Variants in ZNF536 observed in about 807,000 individuals in gnomAD.
ZNF536 encodes the protein zinc finger protein 536.
A neutral mutation model predicts 84.5 loss-of-function variants in ZNF536; 13 were observed. The observed-to-expected ratio is 0.15, with a 90% CI of 0.10 to 0.24. The LOEUF (loss-of-function observed/expected upper bound fraction) is 0.24, where lower values mean the gene tolerates loss of function less well. Ranked by LOEUF, ZNF536 falls within the 10% of genes least tolerant of loss-of-function variation. The probability of loss-of-function intolerance (pLI) is 1.00; values close to 1 mark genes in which losing one functional copy is unlikely to be tolerated. For synonymous variants in ZNF536, 811 were observed against 742.5 expected (o/e 1.09, Z -1.50); for missense variants, 1,536 against 1,747.5 (o/e 0.88, Z 2.16).
intron 2 of ZNF536, among the ~76,000 whole-genome samples, chr19:30,463,419 G>T (rs897983843): frequency 6.6e-6 from 1 of 152,146 alleles, no homozygotes; most frequent in Non-Finnish European, 1.5e-5. Context: ...GGCCTCTCCA[G>T]CCTCAAGCAC....
intron 2 of ZNF536, among the ~76,000 whole-genome samples, chr19:30,497,849 C>G (rs1330601723): frequency 6.6e-6 from 1 of 152,084 alleles, no homozygotes; most frequent in Non-Finnish European, 1.5e-5. Context: ...AAGACCCAAG[C>G]AGGACCAGAT....
intron 3 of ZNF536, among the ~76,000 whole-genome samples, chr19:30,535,680 C>T (rs990417906): frequency 6.6e-6 from 1 of 151,854 alleles, no homozygotes; most frequent in Admixed American, 6.6e-5. Context: ...CCTCAGTCAC[C>T]GTCCTTTTTA....
At chr19:30,582,310 TC>T (rs2046948138) in intron 1 of ZNF536, among the ~76,000 whole-genome samples, 1 of 151,826 alleles carries the variant, frequency 6.6e-6, no homozygotes, top group Non-Finnish European at 1.5e-5. Flanking sequence ...TGAAAACAAT[TC>T]TCTACATGCT....
chr19:30,648,316 T>C (rs1029840632), intron 1 of ZNF536, among the ~76,000 whole-genome samples: 2 of 152,146 alleles, frequency 1.3e-5, no homozygotes, highest in Admixed American at 1.3e-4. Context: ...CCTCATTTCC[T>C]TTTCCAGTAC....
chr19:30,672,769 G>A (rs544211499), intron 1 of ZNF536, among the ~76,000 whole-genome samples: 36 of 152,300 alleles, frequency 2.4e-4, no homozygotes, highest in African/African-American at 8.4e-4. Flanking sequence ...TTTTTTGGGA[G>A]GAGGGAGAGA....
chr19:30,374,969 G>A (rs1219551343), intron 1 of ZNF536, among the ~76,000 whole-genome samples: 4 of 151,926 alleles, frequency 2.6e-5, no homozygotes, highest in African/African-American at 9.7e-5. Flanking sequence ...GTTGGTTCCA[G>A]GAGGAGCGAA....
chr19:30,697,651 G>T (rs959636003), intron 1 of ZNF536, among the ~76,000 whole-genome samples: 1 of 152,204 alleles, frequency 6.6e-6, no homozygotes, highest in Non-Finnish European at 1.5e-5. Flanking sequence ...AGGCAGATAC[G>T]TTAGAGCCTT....
chr19:30,392,200 T>C (rs954865269), intron 1 of ZNF536, among the ~76,000 whole-genome samples: 1 of 152,106 alleles, frequency 6.6e-6, no homozygotes, highest in African/African-American at 2.4e-5. Flanking sequence ...CAGTCCTTCC[T>C]AGGGGAGGCC....
intron 2 of ZNF536, among the ~76,000 whole-genome samples, chr19:30,290,132 A>G (rs1490760424): frequency 6.6e-6 from 1 of 152,174 alleles, no homozygotes; most frequent in Non-Finnish European, 1.5e-5. Context: ...AGTATTTAAC[A>G]TTTTATGACT....
At chr19:30,694,069 GCCAGCTTTCAGTGGATTGGATATCGATA>G (rs2051548116) in intron 1 of ZNF536, among the ~76,000 whole-genome samples, 1 of 152,180 alleles carries the variant, frequency 6.6e-6, no homozygotes. Context: ...AACCTTGGAT[GCCAGCTTTCAGTGGATTGGATATCGATA>G]CACTTAAGGT....
intron 2 of ZNF536, among the ~76,000 whole-genome samples, chr19:30,520,210 T>C (rs73024884): frequency 0.097 from 14,706 of 152,262 alleles, 978 homozygotes; most frequent in Non-Finnish European, 0.15. Context: ...AAACATTTCT[T>C]AGATCTCATT....
chr19:30,562,362 C>T (rs1029093340), downstream of ZNF536, among the ~76,000 whole-genome samples: 7 of 152,098 alleles, frequency 4.6e-5, no homozygotes, highest in African/African-American at 1.7e-4. Flanking sequence ...TTCCAGTGCA[C>T]GGGCATATGA....
At chr19:30,583,178 A>T (rs1001503751) in intron 1 of ZNF536, among the ~76,000 whole-genome samples, 1 of 152,114 alleles carries the variant, frequency 6.6e-6, no homozygotes, top group African/African-American at 2.4e-5. Context: ...ATCAACACTG[A>T]CAGTCATGAG....
intron 1 of ZNF536, among the ~76,000 whole-genome samples, chr19:30,622,695 C>T (rs548688424): frequency 3.9e-5 from 6 of 152,306 alleles, no homozygotes; most frequent in Admixed American, 2.6e-4. Flanking sequence ...TTCCCCGCTA[C>T]GCAGCTGTAG....
chr19:30,518,910 G>A (rs2145669293), intron 2 of ZNF536, among the ~76,000 whole-genome samples: 2 of 152,288 alleles, frequency 1.3e-5, no homozygotes, highest in South Asian at 4.2e-4. Flanking sequence ...TGGATTGCAG[G>A]CTGAGGGAAA....
chr19:30,550,504 A>T (rs7250841), intron 4 of ZNF536, among the ~76,000 whole-genome samples: 35,632 of 152,018 alleles, frequency 0.23, 4,840 homozygotes, highest in African/African-American at 0.36. Context: ...TACATTTCCA[A>T]CTGTAATTTA....
At chr19:30,623,047 T>G (rs986670116) in intron 1 of ZNF536, among the ~76,000 whole-genome samples, 24 of 146,612 alleles carry the variant, frequency 1.6e-4, no homozygotes, top group South Asian at 2.1e-4. Flanking sequence ...TTTGTTTTTT[T>G]GTTTTTTTGA....
At chr19:30,519,894 T>A (rs1449539151) in intron 2 of ZNF536, among the ~76,000 whole-genome samples, 1 of 152,214 alleles carries the variant, frequency 6.6e-6, no homozygotes, top group Non-Finnish European at 1.5e-5. Flanking sequence ...CAGATATTAA[T>A]CACACATATA....
At chr19:30,269,578 C>T (rs2025708959) in intron 1 of ZNF536, among the ~76,000 whole-genome samples, 1 of 152,128 alleles carries the variant, frequency 6.6e-6, no homozygotes, top group Non-Finnish European at 1.5e-5. Context: ...GGTGGATTAT[C>T]TATAGGAATA....
Sources: allele counts gnomAD v4.1 joint callset (sites outside exome capture counted in the v4.1 genomes callset), GRCh38; gene constraint gnomAD v4.1.1; transcripts MANE v1.5; gene names NCBI Gene and HGNC (gene_info 2026-07-23, HGNC 2026-07-21).